The following SCARA5 variants were observed in gnomAD, a reference collection of about 807,000 sequenced individuals.
SCARA5 encodes the protein scavenger receptor class A, member 5 (putative).
A neutral mutation model predicts 46.3 loss-of-function variants in SCARA5; 45 were observed. The observed-to-expected ratio is 0.97, with a 90% confidence interval of 0.76 to 1.24. The LOEUF (loss-of-function observed/expected upper bound fraction) is 1.24, where lower values mean the gene tolerates loss of function less well. Among genes scored for constraint, SCARA5 ranks in the 50% most tolerant of loss-of-function variants. SCARA5 has a pLI of 0.00. For missense variants in SCARA5, 680 were observed against 689.0 expected, an observed-to-expected ratio of 0.99 and a Z score of 0.15; for synonymous variants, 333 against 306.5, an observed-to-expected ratio of 1.09 and a Z score of -0.90.
chr8:27,951,544 T>C (rs1439668472), intron 3 of SCARA5, among the ~76,000 whole-genome samples: 1 of 152,206 alleles, frequency 6.6e-6, no homozygotes, highest in African/African-American at 2.4e-5. Flanking sequence ...GTCACACAGC[T>C]TGTGGCAGTG....
At chr8:27,966,636 C>T (rs1808374291) in intron 2 of SCARA5, 94 bp from the exon 3 acceptor site, 3 of 1,341,736 alleles carry the variant, frequency 2.2e-6, no homozygotes, top group Non-Finnish European at 2.0e-6. Context: ...CTGATGCATG[C>T]AGATGTTCAT....
intron 7 of SCARA5, among the ~76,000 whole-genome samples, chr8:27,899,339 A>T (rs1807113818): frequency 6.6e-6 from 1 of 152,176 alleles, no homozygotes; most frequent in South Asian, 2.1e-4. Context: ...GGGAGTGAGC[A>T]GGGGAAATGA....
intron 3 of SCARA5, among the ~76,000 whole-genome samples, chr8:27,923,757 T>C (rs1005369146): frequency 6.6e-6 from 1 of 152,126 alleles, no homozygotes; most frequent in Non-Finnish European, 1.5e-5. Context: ...TGTATTTTAA[T>C]AGAGATGGGG....
intron 3 of SCARA5, among the ~76,000 whole-genome samples, chr8:27,932,934 C>T (rs1381692318): frequency 6.6e-6 from 1 of 152,216 alleles, no homozygotes; most frequent in Non-Finnish European, 1.5e-5. Flanking sequence ...CTTGGCCGTC[C>T]CTTCTGATTC....
At chr8:27,916,234 CAT>C (rs1444077002) in intron 4 of SCARA5, among the ~76,000 whole-genome samples, 4 of 152,200 alleles carry the variant, frequency 2.6e-5, no homozygotes, top group Non-Finnish European at 4.4e-5. Flanking sequence ...AAAAAATACA[CAT>C]AGTTGAGTAT....
intron 7 of SCARA5, among the ~76,000 whole-genome samples, chr8:27,887,337 G>C (rs543670949): frequency 6.6e-6 from 1 of 152,264 alleles, no homozygotes; most frequent in African/African-American, 2.4e-5. Flanking sequence ...AGGGCGTTAG[G>C]TGCAGAGACT....
At chr8:27,988,625 A>T (rs1278045803) in intron 1 of SCARA5, among the ~76,000 whole-genome samples, 1 of 152,206 alleles carries the variant, frequency 6.6e-6, no homozygotes, top group Admixed American at 6.5e-5. Context: ...TACATTCCTT[A>T]TGTAATGAGA....
chr8:27,965,112 T>G (rs559581432), intron 3 of SCARA5, among the ~76,000 whole-genome samples: 1 of 152,098 alleles, frequency 6.6e-6, no homozygotes. Context: ...TGGCTGCCCC[T>G]CAGGTTGCTC....
intron 3 of SCARA5, among the ~76,000 whole-genome samples, chr8:27,933,098 C>A (rs1038540410): frequency 1.3e-5 from 2 of 152,226 alleles, no homozygotes; most frequent in African/African-American, 4.8e-5. Context: ...CAGCCCATAG[C>A]AGGGTCCTTT....
At chr8:27,930,374 C>T (rs1268622034) in intron 3 of SCARA5, among the ~76,000 whole-genome samples, 1 of 152,070 alleles carries the variant, frequency 6.6e-6, no homozygotes, top group Non-Finnish European at 1.5e-5. Context: ...GAAGCCTCCC[C>T]AGCCATGTGG....
At chr8:27,954,040 C>T (rs1236162289) in intron 3 of SCARA5, among the ~76,000 whole-genome samples, 1 of 152,162 alleles carries the variant, frequency 6.6e-6, no homozygotes, top group Non-Finnish European at 1.5e-5. Context: ...CCCTGGGCCT[C>T]CGTCCCATTT....
Position 27,869,945 on chromosome 8 carries a change from C to T in SCARA5, c.*1989G>A, listed in dbSNP as rs1806608704. On this transcript the variant is annotated 3_prime_UTR_variant, in exon 9 of 9. Coordinates refer to ENST00000354914, the MANE Select transcript of SCARA5 (RefSeq NM_173833.6). ...ACAAAAGGTCTGATGTATTTTAGGCCAGGCCTAATTTGCTTTGGTCCCTGA... is the reference window on the plus strand; with the variant it reads ...ACAAAAGGTCTGATGTATTTTAGGCTAGGCCTAATTTGCTTTGGTCCCTGA... 1 of 152,198 alleles carries T rather than the reference C, an allele frequency of 6.6e-6. No individual in the cohort carries two copies. Among genetic ancestry groups the T allele is most frequent in the Admixed American group, 6.5e-5 (1 of 15,286 alleles). The allele number at this position is 152,198 out of a possible 1,614,324, so 9.4% of individuals were successfully genotyped here.
At chr8:27,956,627 C>T (rs1808211296) in intron 3 of SCARA5, among the ~76,000 whole-genome samples, 1 of 152,224 alleles carries the variant, frequency 6.6e-6, no homozygotes, top group Non-Finnish European at 1.5e-5. Flanking sequence ...CATAAATGAT[C>T]AAATACTTGA....
intron 1 of SCARA5, among the ~76,000 whole-genome samples, chr8:27,990,571 G>C (rs1055799404): frequency 1.3e-5 from 2 of 152,188 alleles, no homozygotes; most frequent in Non-Finnish European, 2.9e-5. Context: ...ATCAGAGCGG[G>C]AAGAGGCCCC....
chr8:27,949,792 C>T (rs1201364749), intron 3 of SCARA5, among the ~76,000 whole-genome samples: 4 of 152,220 alleles, frequency 2.6e-5, no homozygotes, highest in Non-Finnish European at 4.4e-5. Flanking sequence ...ACAGCCTGCC[C>T]GGGTGCAGAA....
At chr8:27,942,672 T>G (rs569148422) in intron 3 of SCARA5, among the ~76,000 whole-genome samples, 1 of 152,326 alleles carries the variant, frequency 6.6e-6, no homozygotes, top group East Asian at 1.9e-4. Flanking sequence ...TGCACGGTAC[T>G]GCAGAAGTGT....
At chr8:27,967,008 C>T (rs1009663526) in intron 2 of SCARA5, among the ~76,000 whole-genome samples, 6 of 152,268 alleles carry the variant, frequency 3.9e-5, no homozygotes, top group South Asian at 2.1e-4. Flanking sequence ...GCCAACGGCA[C>T]GTGCCTGCTC....
At chr8:27,937,143 G>C (rs1358712452) in intron 3 of SCARA5, among the ~76,000 whole-genome samples, 1 of 152,196 alleles carries the variant, frequency 6.6e-6, no homozygotes, top group Non-Finnish European at 1.5e-5. Context: ...CTTGCACCTG[G>C]TAGGTGATCA....
rs890510700 is a variant in SCARA5, at chr8:27,871,790, G to A, written c.*144C>T. The A allele has an allele frequency of 3.5e-5, 52 of 1,496,008 alleles. No homozygotes were observed. The African/African-American group carries it at 4.3e-4, about 12-fold the overall frequency. The allele number at this position is 1,496,008 out of a possible 1,614,324, so 92.7% of individuals were successfully genotyped here. ...GAGGGAAATGACGACCGGCCCCCAC[G>A]GTCCTGGGATGCAGGTGTGAGGACT... On this transcript the variant is annotated 3_prime_UTR_variant, in exon 9 of 9. Coordinates refer to ENST00000354914, the MANE Select transcript of SCARA5 (RefSeq NM_173833.6).
Sources: gnomAD v4.1 joint callset for allele counts (sites outside exome capture counted in the v4.1 genomes callset) on GRCh38, gnomAD v4.1.1 for gene constraint, MANE v1.5 for transcripts, NCBI Gene and HGNC (gene_info 2026-07-23, HGNC 2026-07-21) for gene names.